Variants in SMYD4 observed in about 807,000 individuals in gnomAD.
SMYD4 encodes the protein SET and MYND domain containing 4, also known as protein-lysine N-methyltransferase SMYD4.
SMYD4 carries 68 observed loss-of-function variants against 72.8 expected under a neutral mutation model. The observed-to-expected ratio is 0.93, with a 90% confidence interval of 0.77 to 1.14. The LOEUF (loss-of-function observed/expected upper bound fraction) is 1.14. Among genes scored for constraint, SMYD4 ranks in the 50% most tolerant of loss-of-function variants. The pLI, the probability that SMYD4 is intolerant of heterozygous loss-of-function variation, is 0.00. For synonymous variants in SMYD4, 407 were observed against 388.6 expected, an observed-to-expected ratio of 1.05 and a Z score of -0.56; for missense variants, 984 against 1,003.7, an observed-to-expected ratio of 0.98 and a Z score of 0.27.
intron 5 of SMYD4, among the ~76,000 whole-genome samples, chr17:1,791,515 G>A (rs949249416): frequency 2.0e-5 from 3 of 152,048 alleles, no homozygotes; most frequent in African/African-American, 4.8e-5. Flanking sequence ...AGAGGGATTG[G>A]AACCCCAAAG....
chr17:1,821,535 C>CA (rs1910892201), intron 2 of SMYD4, among the ~76,000 whole-genome samples: 2 of 151,678 alleles, frequency 1.3e-5, no homozygotes, highest in African/African-American at 4.8e-5. Flanking sequence ...AAACAAAAAA[C>CA]AAAGTATATA....
chr17:1,823,628 T>C (rs1163148804), intron 2 of SMYD4, among the ~76,000 whole-genome samples: 2 of 152,104 alleles, frequency 1.3e-5, no homozygotes, highest in African/African-American at 4.8e-5. Flanking sequence ...AATCCATTTT[T>C]TGAGGCTGAA....
At chr17:1,805,942 G>C (rs866094994) in intron 3 of SMYD4, among the ~76,000 whole-genome samples, 2 of 71,686 alleles carry the variant, frequency 2.8e-5, no homozygotes, top group African/African-American at 5.3e-5. Context: ...TTTTTTTTTT[G>C]AGACGGAGTC....
In SMYD4 at chr17:1,800,384, A is replaced by G. The variant is rs1390474051; in HGVS notation, c.1010T>C (p.Leu337Pro). Residue 337 changes from leucine (L) to proline (P), a missense_variant, in exon 5 of 11, where the codon CTG (leucine) becomes CCG (proline). Coordinates refer to ENST00000305513, the MANE Select transcript of SMYD4 (RefSeq NM_052928.3). ...WELYHRTECP[L>P]GGLLLTLGVF... ...ACCCAGTGTGAGAAGCAGCCCTCCC[A>G]GAGGACATTCTGTCCTGTGGTAGAG... 2.5e-6 allele frequency: 4 copies of G among 1,614,090 alleles called. No homozygotes were observed. The East Asian group carries it at 8.9e-5, about 36-fold the overall frequency.
At position 1,783,438 on chromosome 17, in the gene SMYD4, C is replaced by T. The variant is rs956061510; in HGVS notation, c.2059G>A (p.Ala687Thr). The part of the protein sequence containing the change: ...VQRLSGCQRD[A>T]ESFLWAEHAV... Reference sequence around the variant, plus strand: ...TGCTCTGCCCACAGGAAGCTCTCGGCGTCACGCTGGCACCCCGACAGCCGC... The same window carrying T: ...TGCTCTGCCCACAGGAAGCTCTCGGTGTCACGCTGGCACCCCGACAGCCGC... Residue 687 changes from alanine to threonine, a missense_variant, in exon 9 of 11, where the codon GCC becomes ACC. Physicochemically the swap from Ala to Thr is moderately conservative, Grantham distance 58. Coordinates refer to ENST00000305513, the MANE Select transcript of SMYD4 (RefSeq NM_052928.3). 8 of 1,612,128 alleles carry T rather than the reference C, an allele frequency of 5.0e-6. No individual in the cohort carries two copies. The highest frequency in any genetic ancestry group is 2.7e-5 in the African/African-American group (2 of 74,890).
chr17:1,815,192 C>T (rs949070110), intron 2 of SMYD4, among the ~76,000 whole-genome samples: 4 of 151,676 alleles, frequency 2.6e-5, no homozygotes, highest in African/African-American at 9.7e-5. Flanking sequence ...GCCTCCTGAG[C>T]AGCTGGGATT....
chr17:1,794,414 C>T (rs1157836339), intron 5 of SMYD4, among the ~76,000 whole-genome samples: 6 of 151,548 alleles, frequency 4.0e-5, no homozygotes, highest in East Asian at 3.9e-4. Flanking sequence ...CCAACACGCC[C>T]GGCCATCCTT....
At chr17:1,813,635 T>C (rs1273205566) in intron 2 of SMYD4, among the ~76,000 whole-genome samples, 1 of 152,056 alleles carries the variant, frequency 6.6e-6, no homozygotes, top group Non-Finnish European at 1.5e-5. Flanking sequence ...AGGCCGGTCT[T>C]GAACTTCTGA....
intron 2 of SMYD4, among the ~76,000 whole-genome samples, chr17:1,822,667 G>A (rs1255562445): frequency 2.6e-5 from 4 of 152,038 alleles, no homozygotes; most frequent in Admixed American, 6.6e-5. Flanking sequence ...CATTCACCAC[G>A]TTGCCCAGGC....
At chr17:1,781,512 C>CA in intron 10 of SMYD4, 73 bp from the exon 11 acceptor site, 1 of 1,508,036 alleles carries the variant, frequency 6.6e-7, no homozygotes, top group Non-Finnish European at 9.0e-7. Flanking sequence ...CCTACTCACA[C>CA]ACCGTGAAGA....
chr17:1,806,523 G>A (rs1231452160), intron 3 of SMYD4, among the ~76,000 whole-genome samples: 1 of 152,050 alleles, frequency 6.6e-6, no homozygotes, highest in East Asian at 1.9e-4. Context: ...AATTCTCACA[G>A]GAAATAAAAA....
chr17:1,802,391 G>A (rs1909815752), intron 4 of SMYD4, among the ~76,000 whole-genome samples: 1 of 152,082 alleles, frequency 6.6e-6, no homozygotes, highest in Non-Finnish European at 1.5e-5. Flanking sequence ...CTACTCATGA[G>A]ACTAAAGCAG....
intron 5 of SMYD4, among the ~76,000 whole-genome samples, chr17:1,789,764 C>CAAAAAAAAAAAAAAAAAAA (rs60740904): frequency 1.1e-5 from 1 of 90,098 alleles, no homozygotes; most frequent in African/African-American, 3.7e-5. Context: ...GACTCTGTCT[C>CAAAAAAAAAAAAAAAAAAA]AAAAAAAAAA....
At chr17:1,783,513 G>A (rs1272081208) in intron 8 of SMYD4, 37 bp from the exon 9 acceptor site, 2 of 1,568,284 alleles carry the variant, frequency 1.3e-6, no homozygotes, top group Admixed American at 3.8e-5. Context: ...ACTATAGACA[G>A]AAGCCCAGTC....
rs763213960 is a variant in SMYD4 at position 1,800,682 on chromosome 17, A to T, written c.712T>A (p.Cys238Ser). The T allele has an allele frequency of 6.2e-7, 1 of 1,614,238 alleles. No individual in the cohort carries two copies. The highest frequency in any genetic ancestry group is 1.3e-5 in the African/African-American group (1 of 75,076). ...CAGCGACCTTTTAAAGGATCTACGC[A>T]TAAGCCGATGGATGATGAGGCATTG... is the stretch of plus-strand genomic sequence containing the variant. ...LSNASSSIGL[C>S]VDPLKGRCLV... Residue 238 changes from cysteine to serine, a missense_variant, in exon 5 of 11, where the codon TGC (cysteine) becomes AGC (serine). By Grantham distance (112) the Cys-to-Ser change is moderately radical. Transcript: ENST00000305513.
chr17:1,810,493 C>A (rs1258021138), intron 3 of SMYD4, among the ~76,000 whole-genome samples: 1 of 151,904 alleles, frequency 6.6e-6, no homozygotes, highest in African/African-American at 2.4e-5. Flanking sequence ...TCACAGCTCA[C>A]TGAAGCCTGG....
chr17:1,814,316 AAAC>A (rs1910475844), intron 2 of SMYD4, among the ~76,000 whole-genome samples: 1 of 152,256 alleles, frequency 6.6e-6, no homozygotes, highest in East Asian at 1.9e-4. Context: ...AAAAAACAAA[AAAC>A]AACAACAAAA....
chr17:1,792,178 G>C (rs911714914), intron 5 of SMYD4, among the ~76,000 whole-genome samples: 40 of 152,042 alleles, frequency 2.6e-4, no homozygotes, highest in Middle Eastern at 3.4e-3. Flanking sequence ...GAGTAGCTGG[G>C]ACTACAGGCG....
chr17:1,787,510 G>T lies in SMYD4; in HGVS notation c.1632C>A (p.Pro544=). The T allele has an allele frequency of 6.3e-7, 1 of 1,586,064 alleles. No individual in the cohort carries two copies. Among genetic ancestry groups the T allele is most frequent in the African/African-American group, 1.3e-5 (1 of 74,616 alleles). ...VISLLNHSCS[P]NTSVSFISTV... ...TGCTAATGAAGGACACGCTGGTGTT[G>T]GGGCTACAGGAGTGGTTCAGGAGGC... Residue 544 remains proline (P), a synonymous_variant, in exon 6 of 11, where the codon CCC becomes CCA. Transcript: ENST00000305513.
Sources: gnomAD v4.1 joint callset for allele counts (sites outside exome capture counted in the v4.1 genomes callset) on GRCh38, gnomAD v4.1.1 for gene constraint, MANE v1.5 for transcripts, NCBI Gene and HGNC (gene_info 2026-07-23, HGNC 2026-07-21) for gene names.